Variants in KDM4C observed in about 807,000 individuals in gnomAD.
The protein encoded by KDM4C is lysine demethylase 4C, also known as lysine-specific demethylase 4C.
KDM4C carries 81 observed loss-of-function variants against 129.3 expected under a neutral mutation model. That is an observed-to-expected ratio of 0.63 (90% CI 0.52 to 0.75). The LOEUF is 0.75. KDM4C is among the 30% of genes least tolerant of loss of function. The pLI is 0.00. For synonymous variants in KDM4C, 573 were observed against 456.1 expected, an observed-to-expected ratio of 1.26 and a Z score of -3.26; for missense variants, 1,457 against 1,304.0, an observed-to-expected ratio of 1.12 and a Z score of -1.81.
intron 6 of KDM4C, among the ~76,000 whole-genome samples, chr9:6,880,982 A>G (rs1212545031): frequency 6.6e-6 from 1 of 152,178 alleles, no homozygotes; most frequent in Non-Finnish European, 1.5e-5. Context: ...CTGAGGAGCA[A>G]GGCCTTCTGC....
At chr9:7,113,544 T>C (rs1266740488) in intron 18 of KDM4C, among the ~76,000 whole-genome samples, 1 of 152,206 alleles carries the variant, frequency 6.6e-6, no homozygotes, top group Non-Finnish European at 1.5e-5. Flanking sequence ...AGCATCATGC[T>C]TCTCTCCCTG....
chr9:6,917,963 C>T (rs934528502), intron 8 of KDM4C, among the ~76,000 whole-genome samples: 5 of 152,198 alleles, frequency 3.3e-5, no homozygotes, highest in Non-Finnish European at 4.4e-5. Context: ...AGATCAGTCT[C>T]ATCAGCATAC....
At chr9:6,953,848 C>G (rs934357495) in intron 8 of KDM4C, among the ~76,000 whole-genome samples, 7 of 152,218 alleles carry the variant, frequency 4.6e-5, no homozygotes, top group African/African-American at 1.4e-4. Flanking sequence ...GCCTCATCAT[C>G]ATTACATATT....
intron 12 of KDM4C, among the ~76,000 whole-genome samples, chr9:7,001,968 C>G (rs1820804205): frequency 6.6e-6 from 1 of 152,322 alleles, no homozygotes; most frequent in Admixed American, 6.5e-5. Context: ...TCTTGGCTCA[C>G]TGCAGCATCC....
chr9:6,821,815 A>G lies in KDM4C; in HGVS notation c.435+7070A>G, dbSNP rs181461547. On this transcript the variant is annotated intron_variant, in intron 4 of 21. Transcript: ENST00000381309. Reference sequence around the variant, plus strand: ...ACACCTGTCTAATTTTTGTATTTTTAGCAGAGACCGTGATTCGCCATGTTG... The same window carrying G: ...ACACCTGTCTAATTTTTGTATTTTTGGCAGAGACCGTGATTCGCCATGTTG... Among the ~76,000 whole-genome samples the G allele has an allele frequency of 3.2e-3, 494 of 152,178 alleles. 5 individuals are homozygous for G. Among genetic ancestry groups the G allele is most frequent in the African/African-American group, 0.011 (459 of 41,520 alleles).
chr9:7,021,730 C>T (rs1824897664), intron 15 of KDM4C, among the ~76,000 whole-genome samples: 1 of 152,084 alleles, frequency 6.6e-6, no homozygotes, highest in Admixed American at 6.6e-5. Context: ...AATTTTTGCC[C>T]AGACCAGTAT....
At chr9:7,037,639 T>G (rs1364391646) in intron 15 of KDM4C, among the ~76,000 whole-genome samples, 2 of 152,142 alleles carry the variant, frequency 1.3e-5, no homozygotes, top group African/African-American at 2.4e-5. Flanking sequence ...GTCAGTGGTA[T>G]TAGGTGAGCG....
chr9:6,836,119 C>T (rs1835827683), intron 4 of KDM4C, among the ~76,000 whole-genome samples: 2 of 152,060 alleles, frequency 1.3e-5, no homozygotes, highest in East Asian at 1.9e-4. Context: ...CAGGGCTTAC[C>T]TGTACACTGA....
At position 7,044,006 on chromosome 9, in the gene KDM4C, G is replaced by A. The variant is rs529397854; in HGVS notation, c.2260-2856G>A. Among the ~76,000 whole-genome samples, 15 of 151,392 alleles carry A rather than the reference G, an allele frequency of 9.9e-5. No homozygotes were observed. The East Asian group carries it at 2.8e-3, about 28-fold the overall frequency. On this transcript the variant is annotated intron_variant, in intron 15 of 21. Coordinates refer to ENST00000381309, the MANE Select transcript of KDM4C (RefSeq NM_015061.6). Reference sequence around the variant, plus strand: ...ATACTCTCTATTGGATATCATAATAGAGTAAGAGCAATTAACCTGACAGAT... The same window carrying A: ...ATACTCTCTATTGGATATCATAATAAAGTAAGAGCAATTAACCTGACAGAT...
intron 12 of KDM4C, among the ~76,000 whole-genome samples, chr9:6,999,315 C>G (rs1300624301): frequency 6.7e-6 from 1 of 149,064 alleles, no homozygotes; most frequent in Non-Finnish European, 1.5e-5. Flanking sequence ...ATGATGATGT[C>G]TTTTTGATTC....
chr9:6,959,265 G>C (rs1332397667), intron 8 of KDM4C, among the ~76,000 whole-genome samples: 4 of 152,196 alleles, frequency 2.6e-5, no homozygotes, highest in Non-Finnish European at 5.9e-5. Context: ...TGTAGTCCCA[G>C]ATGTTACTTT....
At chr9:6,824,913 G>A (rs919893164) in intron 4 of KDM4C, among the ~76,000 whole-genome samples, 1 of 152,018 alleles carries the variant, frequency 6.6e-6, no homozygotes. Flanking sequence ...GGAGGCCGAG[G>A]CGGGTGGATC....
intron 15 of KDM4C, among the ~76,000 whole-genome samples, chr9:7,044,263 G>A (rs1399893534): frequency 6.6e-6 from 1 of 151,982 alleles, no homozygotes; most frequent in East Asian, 1.9e-4. Context: ...GAATGGCGCA[G>A]GCTGGCTCTA....
chr9:6,745,578 CA>C (rs57251333), intron 1 of KDM4C, among the ~76,000 whole-genome samples: 60,076 of 106,884 alleles, frequency 0.56, 13,937 homozygotes, highest in African/African-American at 0.62. Context: ...GTCCTGTCTC[CA>C]AAAAAAAAAA....
At chr9:6,750,295 T>C (rs906454731) in intron 1 of KDM4C, among the ~76,000 whole-genome samples, 2 of 151,780 alleles carry the variant, frequency 1.3e-5, no homozygotes, top group African/African-American at 4.8e-5. Context: ...AAAAATTATC[T>C]GGGCATGGTG....
chr9:6,823,153 G>A (rs1326892556), intron 4 of KDM4C, among the ~76,000 whole-genome samples: 3 of 152,142 alleles, frequency 2.0e-5, no homozygotes, highest in Admixed American at 2.0e-4. Context: ...GTGTATTCAA[G>A]TCGTCTTTGC....
chr9:7,097,016 G>C (rs1316877349), intron 17 of KDM4C, among the ~76,000 whole-genome samples: 3 of 152,090 alleles, frequency 2.0e-5, no homozygotes, highest in African/African-American at 7.2e-5. Context: ...ACTCCATTTT[G>C]CTCATGTTTT....
intron 19 of KDM4C, among the ~76,000 whole-genome samples, chr9:7,144,556 T>C (rs962948038): frequency 1.3e-5 from 2 of 152,200 alleles, no homozygotes; most frequent in African/African-American, 4.8e-5. Flanking sequence ...CTCTTCCCAT[T>C]CTCGTAGGGG....
At chr9:6,858,279 G>C (rs1179050101) in intron 5 of KDM4C, among the ~76,000 whole-genome samples, 1 of 151,526 alleles carries the variant, frequency 6.6e-6, no homozygotes, top group Non-Finnish European at 1.5e-5. Context: ...TTACTGCTCA[G>C]TAAGGGCGTG....
Sources: gnomAD v4.1 joint callset for allele counts (sites outside exome capture counted in the v4.1 genomes callset) on GRCh38, gnomAD v4.1.1 for gene constraint, MANE v1.5 for transcripts, NCBI Gene and HGNC (gene_info 2026-07-23, HGNC 2026-07-21) for gene names.